The following RALYL variants were observed in gnomAD, a reference collection of about 807,000 sequenced individuals.
The protein encoded by RALYL is RALY RNA binding protein like.
A neutral mutation model predicts 35.1 loss-of-function variants in RALYL; 29 were observed. That is an observed-to-expected ratio of 0.83 (90% CI 0.61 to 1.13). RALYL has a LOEUF of 1.13. RALYL is among the 50% of genes most tolerant of loss of function. The probability of loss-of-function intolerance (pLI) is 0.00; values close to 1 mark genes in which losing one functional copy is unlikely to be tolerated. For missense variants in RALYL, 359 were observed against 360.4 expected (o/e 1.00, Z 0.03); for synonymous variants, 120 against 127.6 (o/e 0.94, Z 0.40).
chr8:84,238,815 G>A (rs1339650751), intron 1 of RALYL, among the ~76,000 whole-genome samples: 1 of 152,130 alleles, frequency 6.6e-6, no homozygotes, highest in Non-Finnish European at 1.5e-5. Context: ...AAACAGGCAT[G>A]GTGGTGGCTG....
chr8:84,314,201 G>A (rs1843330240), intron 1 of RALYL, among the ~76,000 whole-genome samples: 1 of 152,036 alleles, frequency 6.6e-6, no homozygotes, highest in Non-Finnish European at 1.5e-5. Context: ...ACAACATGGG[G>A]AAAGCCACTG....
At chr8:84,529,647 C>T (rs1213694823) in intron 2 of RALYL, 70 bp downstream of exon 2, 7 of 1,401,528 alleles carry the variant, frequency 5.0e-6, no homozygotes, top group Non-Finnish European at 4.9e-6. Context: ...TTTCACAAAA[C>T]CCAACACCAC....
At chr8:84,912,295 C>T (rs1847637370) in intron 8 of RALYL, among the ~76,000 whole-genome samples, 1 of 152,004 alleles carries the variant, frequency 6.6e-6, no homozygotes, top group Non-Finnish European at 1.5e-5. Context: ...CTCCTATCAC[C>T]CTTATCATTT....
At chr8:84,832,287 C>G (rs1192661590) in intron 4 of RALYL, among the ~76,000 whole-genome samples, 2 of 151,858 alleles carry the variant, frequency 1.3e-5, no homozygotes, top group Non-Finnish European at 2.9e-5. Context: ...TGTTTTTGTT[C>G]CAGATTACGT....
At chr8:84,746,582 C>G (rs1391596786) in intron 2 of RALYL, among the ~76,000 whole-genome samples, 3 of 151,924 alleles carry the variant, frequency 2.0e-5, no homozygotes, top group Admixed American at 2.0e-4. Context: ...TACCACCAAA[C>G]TTTACTCTTG....
chr8:84,849,561 GT>G (rs780565835), intron 4 of RALYL, among the ~76,000 whole-genome samples: 49 of 141,772 alleles, frequency 3.5e-4, no homozygotes, highest in Admixed American at 4.9e-4. Flanking sequence ...TTTTGTTTTT[GT>G]TTTTTTTTTT....
intron 3 of RALYL, among the ~76,000 whole-genome samples, chr8:84,777,817 A>G (rs2133648279): frequency 6.6e-6 from 1 of 151,690 alleles, no homozygotes; most frequent in East Asian, 1.9e-4. Flanking sequence ...AATTTTTTGT[A>G]TTTTTAGTAG....
intron 1 of RALYL, among the ~76,000 whole-genome samples, chr8:84,235,678 A>G (rs1563582148): frequency 6.6e-6 from 1 of 152,168 alleles, no homozygotes; most frequent in African/African-American, 2.4e-5. Context: ...TTTTTAGTAC[A>G]TACTATGTTA....
At chr8:84,295,866 A>G (rs1294997220) in intron 1 of RALYL, among the ~76,000 whole-genome samples, 1 of 152,090 alleles carries the variant, frequency 6.6e-6, no homozygotes, top group Non-Finnish European at 1.5e-5. Flanking sequence ...CTATGGGTCT[A>G]AGAATCCTTG....
rs1197496703 is a variant in RALYL, at chr8:84,367,340, T to A, written c.-23-161959T>A. The stretch of plus-strand genomic sequence containing the variant: ...TGTATTTTTTTTTTTTTTTTTTTTT[T>A]TTTTTTTTTTTTTTTTTTTTTTTTT... On this transcript the variant is annotated intron_variant, in intron 1 of 8. Coordinates refer to ENST00000521268, the MANE Select transcript of RALYL (RefSeq NM_173848.7). Among the ~76,000 whole-genome samples, 26 of 66,916 alleles carry A rather than the reference T, an allele frequency of 3.9e-4. 5 individuals are homozygous for A. The highest frequency in any genetic ancestry group is 6.9e-3 in the Middle Eastern group (1 of 144). The allele number at this position is 66,916 out of a possible 152,430, so 43.9% of individuals were successfully genotyped here.
chr8:84,436,833 A>G (rs560633333), intron 1 of RALYL, among the ~76,000 whole-genome samples: 1 of 151,198 alleles, frequency 6.6e-6, no homozygotes, highest in Non-Finnish European at 1.5e-5. Context: ...GACATTTAAC[A>G]TAAGATCTAC....
intron 1 of RALYL, among the ~76,000 whole-genome samples, chr8:84,505,035 C>T (rs888691351): frequency 6.6e-6 from 1 of 152,108 alleles, no homozygotes; most frequent in Non-Finnish European, 1.5e-5. Flanking sequence ...ATTGGGCTGT[C>T]TTGCTTGTGT....
At chr8:84,572,306 A>G (rs190021601) in intron 2 of RALYL, among the ~76,000 whole-genome samples, 1 of 151,732 alleles carries the variant, frequency 6.6e-6, no homozygotes, top group African/African-American at 2.4e-5. Context: ...CAAGGTTAAT[A>G]TTGATATGTG....
chr8:84,763,327 G>A (rs1343131480), intron 2 of RALYL, among the ~76,000 whole-genome samples: 2 of 152,176 alleles, frequency 1.3e-5, no homozygotes, highest in Non-Finnish European at 2.9e-5. Context: ...CCGACTTTCT[G>A]TTGGTTGAAT....
chr8:84,607,890 A>G (rs989362281), intron 2 of RALYL, among the ~76,000 whole-genome samples: 2 of 151,866 alleles, frequency 1.3e-5, no homozygotes, highest in Admixed American at 1.3e-4. Flanking sequence ...AAAAGACAAA[A>G]TGTAATTTAA....
chr8:84,444,200 G>A (rs909310744), intron 1 of RALYL, among the ~76,000 whole-genome samples: 10 of 151,976 alleles, frequency 6.6e-5, no homozygotes, highest in African/African-American at 1.2e-4. Context: ...ATTGTGGTGC[G>A]TGTCTATAGT....
chr8:84,890,899 G>A (rs1409908101), intron 8 of RALYL, among the ~76,000 whole-genome samples: 2 of 152,092 alleles, frequency 1.3e-5, no homozygotes, highest in Non-Finnish European at 2.9e-5. Context: ...AACCAACAGG[G>A]AAGGAAAGGA....
chr8:84,526,515 A>T (rs1436973056), intron 1 of RALYL, among the ~76,000 whole-genome samples: 1 of 152,134 alleles, frequency 6.6e-6, no homozygotes, highest in Non-Finnish European at 1.5e-5. Flanking sequence ...CAGTTCTTGG[A>T]ATCATTCAGT....
At chr8:84,263,705 C>T (rs995106146) in intron 1 of RALYL, among the ~76,000 whole-genome samples, 1 of 152,012 alleles carries the variant, frequency 6.6e-6, no homozygotes, top group Non-Finnish European at 1.5e-5. Flanking sequence ...GAACCCATCA[C>T]CTCAGGTATT....
Sources: allele counts gnomAD v4.1 joint callset (sites outside exome capture counted in the v4.1 genomes callset), GRCh38; gene constraint gnomAD v4.1.1; transcripts MANE v1.5; gene names NCBI Gene and HGNC (gene_info 2026-07-23, HGNC 2026-07-21).